Variants in CDH23 observed in about 807,000 individuals in gnomAD.
CDH23 encodes the protein cadherin related 23.
A neutral mutation model predicts 317.1 loss-of-function variants in CDH23; 189 were observed. The observed-to-expected ratio is 0.60, with a 90% CI of 0.53 to 0.67. CDH23 has a LOEUF of 0.67. Among genes scored for constraint, CDH23 ranks in the 30% least tolerant of loss-of-function variants. CDH23 has a pLI of 0.00. For synonymous variants in CDH23, 1,839 were observed against 1,876.8 expected (o/e 0.98, Z 0.52); for missense variants, 4,401 against 4,592.4 (o/e 0.96, Z 1.20).
chr10:71,659,324 G>C (rs957110389), intron 14 of CDH23, among the ~76,000 whole-genome samples: 1 of 152,238 alleles, frequency 6.6e-6, no homozygotes, highest in Non-Finnish European at 1.5e-5. Context: ...ACAGGGGAGA[G>C]AGGGGAGAGA....
intron 3 of CDH23, among the ~76,000 whole-genome samples, chr10:71,495,007 C>T (rs1405401853): frequency 6.6e-6 from 1 of 152,132 alleles, no homozygotes; most frequent in African/African-American, 2.4e-5. Flanking sequence ...TCACCTGGGG[C>T]CTTCGGAGGG....
intron 28 of CDH23, among the ~76,000 whole-genome samples, chr10:71,718,356 C>T (rs1423539629): frequency 6.6e-6 from 1 of 151,924 alleles, no homozygotes; most frequent in Non-Finnish European, 1.5e-5. Context: ...ACCCCACCTC[C>T]CACCCATTCC....
At position 71,705,149 on chromosome 10, in the gene CDH23, T is replaced by C; in HGVS notation, c.2953+19T>C. On this transcript the variant is annotated intron_variant, in intron 25 of 69. Coordinates refer to ENST00000224721, the MANE Select transcript of CDH23 (RefSeq NM_022124.6). ...ATCCATGGTGAGGGGGCGCAGGGGC[T>C]TCTGCTGTGTGCTCAGTGTGTGGGC... The C allele has an allele frequency of 6.3e-7, 1 of 1,597,848 alleles. No homozygotes were observed. Among genetic ancestry groups the C allele is most frequent in the Non-Finnish European group, 8.5e-7 (1 of 1,171,828 alleles).
intron 1 of CDH23, among the ~76,000 whole-genome samples, chr10:71,430,619 C>T (rs1383527988): frequency 1.3e-5 from 2 of 152,230 alleles, no homozygotes; most frequent in East Asian, 3.9e-4. Context: ...GACAACCTGA[C>T]CAACATGATG....
chr10:71,512,679 C>G (rs1227275845), intron 6 of CDH23, among the ~76,000 whole-genome samples: 2 of 152,194 alleles, frequency 1.3e-5, no homozygotes, highest in Non-Finnish European at 2.9e-5. Context: ...TCCTCTCCTG[C>G]CCTTGGGCTG....
At chr10:71,700,724 T>G (rs1160086967) in intron 22 of CDH23, among the ~76,000 whole-genome samples, 1 of 152,160 alleles carries the variant, frequency 6.6e-6, no homozygotes, top group Middle Eastern at 3.2e-3. Context: ...CCCACCTCTC[T>G]GAAGGAGAAG....
At chr10:71,643,281 G>A (rs1862653553) in intron 11 of CDH23, among the ~76,000 whole-genome samples, 1 of 151,954 alleles carries the variant, frequency 6.6e-6, no homozygotes, top group African/African-American at 2.4e-5. Flanking sequence ...TGGCTGCCCT[G>A]GGAGGTTTGT....
At chr10:71,469,350 G>A (rs1260063582) in intron 3 of CDH23, among the ~76,000 whole-genome samples, 9 of 152,064 alleles carry the variant, frequency 5.9e-5, no homozygotes, top group Non-Finnish European at 1.0e-4. Context: ...GTCACTATAT[G>A]TTAGTTTGCA....
At chr10:71,550,793 T>C (rs1856553700) in intron 6 of CDH23, among the ~76,000 whole-genome samples, 2 of 152,018 alleles carry the variant, frequency 1.3e-5, no homozygotes, top group South Asian at 4.1e-4. Flanking sequence ...GCATCAATTA[T>C]GCTGCTGACA....
At chr10:71,578,643 G>T (rs187084663) in intron 9 of CDH23, among the ~76,000 whole-genome samples, 1 of 152,150 alleles carries the variant, frequency 6.6e-6, no homozygotes, top group Non-Finnish European at 1.5e-5. Flanking sequence ...CTGTCCCAGG[G>T]CTGGGTGGTT....
chr10:71,776,997 A>G (rs1840830140), intron 38 of CDH23, among the ~76,000 whole-genome samples: 3 of 152,224 alleles, frequency 2.0e-5, no homozygotes, highest in Admixed American at 2.0e-4. Context: ...TTAGCTGAAT[A>G]TTACTTGTGG....
chr10:71,523,814 C>T (rs762880087), intron 6 of CDH23, among the ~76,000 whole-genome samples: 63 of 152,316 alleles, frequency 4.1e-4, no homozygotes, highest in African/African-American at 1.3e-3. Context: ...CTGAAGCTGA[C>T]GACCAGAAGC....
At chr10:71,425,954 G>A (rs578120762) in intron 1 of CDH23, among the ~76,000 whole-genome samples, 2 of 152,330 alleles carry the variant, frequency 1.3e-5, no homozygotes, top group South Asian at 2.1e-4. Flanking sequence ...GGGTGCAAGG[G>A]ATGAGAGCAG....
chr10:71,789,906 C>A (rs959596004), intron 45 of CDH23, among the ~76,000 whole-genome samples: 2 of 152,228 alleles, frequency 1.3e-5, no homozygotes, highest in Admixed American at 6.5e-5. Context: ...GCCAGGCCCC[C>A]AAAGGCAGAG....
intron 9 of CDH23, among the ~76,000 whole-genome samples, chr10:71,611,716 G>T (rs946309618): frequency 6.6e-6 from 1 of 152,174 alleles, no homozygotes; most frequent in Non-Finnish European, 1.5e-5. Flanking sequence ...CCTCCAGAGG[G>T]TGTAATCTTA....
chr10:71,497,788 C>T (rs1451865523), intron 3 of CDH23, among the ~76,000 whole-genome samples: 3 of 152,214 alleles, frequency 2.0e-5, no homozygotes, highest in Admixed American at 6.5e-5. Context: ...CACCTGCTAG[C>T]TGTTGAGCTG....
At chr10:71,591,511 C>A (rs1172946185) in intron 9 of CDH23, among the ~76,000 whole-genome samples, 2 of 152,092 alleles carry the variant, frequency 1.3e-5, no homozygotes, top group Non-Finnish European at 2.9e-5. Context: ...GACACAGGCT[C>A]ATCTCCCCAT....
rs61127679 is a variant in CDH23 at position 71,402,706 on chromosome 10, AGTGTGTGTGTGT to A, written c.-6+5416_-6+5427del. 6.2e-3 allele frequency among the ~76,000 whole-genome samples: 923 copies of A among 148,928 alleles called. 2 individuals are homozygous for A. Among genetic ancestry groups the A allele is most frequent in the African/African-American group, 8.9e-3 (364 of 40,762 alleles). On this transcript the variant is annotated intron_variant, in intron 1 of 69. Transcript: ENST00000224721. ...ACATTCATAAATTGAATTCTTCCTG[AGTGTGTGTGTGT>A]GTGTGTGTGTGTGTGTGTGTGTGTG...
intron 3 of CDH23, among the ~76,000 whole-genome samples, chr10:71,483,999 G>A (rs187950672): frequency 5.9e-5 from 9 of 152,234 alleles, no homozygotes; most frequent in African/African-American, 9.6e-5. Flanking sequence ...CAGCCCGAGC[G>A]CACCTGTGGA....
Sources: allele counts gnomAD v4.1 joint callset (sites outside exome capture counted in the v4.1 genomes callset), GRCh38; gene constraint gnomAD v4.1.1; transcripts MANE v1.5; gene names NCBI Gene and HGNC (gene_info 2026-07-23, HGNC 2026-07-21).